NDUFAF2: variants seen among roughly 807,000 people sequenced by gnomAD.
NDUFAF2 encodes NADH:ubiquinone oxidoreductase complex assembly factor 2.
Under a neutral mutation model 22.8 loss-of-function variants are expected in NDUFAF2, and 13 were observed. The ratio of observed to expected loss-of-function variants is 0.57; its 90% confidence interval spans 0.37 to 0.91. The LOEUF is 0.91. Ranked by LOEUF, NDUFAF2 falls within the 40% of genes least tolerant of loss-of-function variation. The pLI, the probability that NDUFAF2 is intolerant of heterozygous loss-of-function variation, is 0.01. For synonymous variants in NDUFAF2, 53 were observed against 64.2 expected, an observed-to-expected ratio of 0.83 and a Z score of 0.84; for missense variants, 162 against 195.2, an observed-to-expected ratio of 0.83 and a Z score of 1.01.
intron 3 of NDUFAF2, among the ~76,000 whole-genome samples, chr5:61,108,911 C>A (rs1205013428): frequency 1.3e-5 from 2 of 152,054 alleles, no homozygotes; most frequent in African/African-American, 4.8e-5. Flanking sequence ...CAGTTTTGTT[C>A]TTTGTGCTCA....
At chr5:61,150,621 A>G (rs928779973) in intron 3 of NDUFAF2, among the ~76,000 whole-genome samples, 1 of 152,316 alleles carries the variant, frequency 6.6e-6, no homozygotes, top group East Asian at 1.9e-4. Flanking sequence ...TAGAGGTGAC[A>G]TAAATAAAGT....
chr5:61,020,993 C>CTTTTTTTT, intron 1 of NDUFAF2, among the ~76,000 whole-genome samples: 1 of 116,632 alleles, frequency 8.6e-6, no homozygotes, highest in Non-Finnish European at 1.8e-5. Flanking sequence ...TGCGTCCAGC[C>CTTTTTTTT]TTTTTTTTTT....
At position 61,152,782 on chromosome 5, in the gene NDUFAF2, A is replaced by G. The variant is rs1445036818; in HGVS notation, c.337A>G (p.Ser113Gly). 2 of 1,596,900 alleles carry G rather than the reference A, an allele frequency of 1.3e-6. No individual in the cohort carries two copies. The highest frequency in any genetic ancestry group is 8.5e-7 in the Non-Finnish European group (1 of 1,170,862). ...TTTTTATGAAAAAGAAAAACTCCTTAGTAAAGAGACCAGTGAGGAACTCCT... is the reference window on the plus strand; with the variant it reads ...TTTTTATGAAAAAGAAAAACTCCTTGGTAAAGAGACCAGTGAGGAACTCCT... Reference protein sequence around the residue: ...QDFYEKEKLLSKETSEELLPP... With the variant: ...QDFYEKEKLLGKETSEELLPP... Residue 113 changes from serine (S) to glycine (G), a missense_variant, in exon 4 of 4, where the codon AGT becomes GGT. By Grantham distance (56) the Ser-to-Gly change is moderately conservative. Coordinates refer to ENST00000296597, the MANE Select transcript of NDUFAF2 (RefSeq NM_174889.5).
intron 1 of NDUFAF2, among the ~76,000 whole-genome samples, chr5:60,998,820 T>C (rs1580087307): frequency 6.6e-6 from 1 of 150,616 alleles, no homozygotes; most frequent in East Asian, 2.0e-4. Flanking sequence ...AAATTTATTT[T>C]TTGGCTAGCT....
intron 1 of NDUFAF2, among the ~76,000 whole-genome samples, chr5:60,946,094 G>A (rs1750447835): frequency 6.6e-6 from 1 of 152,106 alleles, no homozygotes; most frequent in African/African-American, 2.4e-5. Context: ...GTAGTTGAGC[G>A]GGTTGTTTGG....
At chr5:61,112,486 A>G (rs1481958476) in intron 3 of NDUFAF2, among the ~76,000 whole-genome samples, 3 of 152,198 alleles carry the variant, frequency 2.0e-5, no homozygotes, top group Admixed American at 2.0e-4. Flanking sequence ...TGCTGGGATT[A>G]CAGGCATGAG....
At chr5:61,005,215 G>T (rs1751350555) in intron 1 of NDUFAF2, among the ~76,000 whole-genome samples, 1 of 152,000 alleles carries the variant, frequency 6.6e-6, no homozygotes, top group Non-Finnish European at 1.5e-5. Context: ...GTGATAGTTG[G>T]CTTAGAATGA....
chr5:61,106,420 T>C lies in NDUFAF2; in HGVS notation c.258+7388T>C, dbSNP rs185162822. On this transcript the variant is annotated intron_variant, in intron 3 of 3. Transcript: ENST00000296597. The stretch of plus-strand genomic sequence containing the variant: ...TTTTAATTTTTGATTTTGTGGGTAC[T>C]TAGTAGGTGTATATACTTAGAAGGT... Among the ~76,000 whole-genome samples, 8 of 151,436 alleles carry C rather than the reference T, an allele frequency of 5.3e-5. 1 individual carries two copies. Among genetic ancestry groups the C allele is most frequent in the African/African-American group, 2.0e-4 (8 of 40,810 alleles).
intron 1 of NDUFAF2, among the ~76,000 whole-genome samples, chr5:61,060,551 T>G (rs1453563531): frequency 6.6e-6 from 1 of 152,170 alleles, no homozygotes; most frequent in Non-Finnish European, 1.5e-5. Flanking sequence ...TCAGTCAGAC[T>G]ATAAGGATCT....
At chr5:61,076,622 T>C (rs899818399) in intron 2 of NDUFAF2, among the ~76,000 whole-genome samples, 1 of 152,164 alleles carries the variant, frequency 6.6e-6, no homozygotes, top group Non-Finnish European at 1.5e-5. Flanking sequence ...TGGGGGGCCT[T>C]GTAGGCCATT....
intron 1 of NDUFAF2, chr5:61,050,511 A>G (rs937192094): frequency 6.6e-6 from 1 of 152,174 alleles, no homozygotes; most frequent in Non-Finnish European, 1.5e-5. Flanking sequence ...GGAACTGGCC[A>G]AAACAAAATC....
At chr5:61,003,967 C>A (rs1356581641) in intron 1 of NDUFAF2, among the ~76,000 whole-genome samples, 1 of 151,926 alleles carries the variant, frequency 6.6e-6, no homozygotes, top group Admixed American at 6.6e-5. Flanking sequence ...GTGCCCAGCC[C>A]TAAAATCTGT....
intron 1 of NDUFAF2, among the ~76,000 whole-genome samples, chr5:61,043,679 ATG>A (rs373302097): frequency 0.16 from 23,574 of 148,818 alleles, 2,253 homozygotes; most frequent in African/African-American, 0.26. Context: ...AGCTGTATAT[ATG>A]TGTGTGTGTG....
intron 3 of NDUFAF2, among the ~76,000 whole-genome samples, chr5:61,128,852 G>A (rs1753070563): frequency 6.6e-6 from 1 of 152,076 alleles, no homozygotes; most frequent in Admixed American, 6.6e-5. Context: ...TACCATCAGA[G>A]TGAACAGGCA....
intron 1 of NDUFAF2, among the ~76,000 whole-genome samples, chr5:60,977,362 G>A (rs1203534561): frequency 3.3e-5 from 5 of 152,056 alleles, no homozygotes; most frequent in Non-Finnish European, 5.9e-5. Flanking sequence ...CCAGGAGTTC[G>A]AGATTACAAT....
chr5:61,036,504 C>G (rs957134998), intron 1 of NDUFAF2, among the ~76,000 whole-genome samples: 1 of 152,206 alleles, frequency 6.6e-6, no homozygotes, highest in Admixed American at 6.5e-5. Context: ...CAATTTATAT[C>G]TACCATCTGT....
chr5:61,097,913 C>A (rs1402027687), intron 2 of NDUFAF2, among the ~76,000 whole-genome samples: 1 of 152,138 alleles, frequency 6.6e-6, no homozygotes, highest in South Asian at 2.1e-4. Flanking sequence ...CATTTTATTT[C>A]TATTTCTTCA....
At chr5:61,009,094 C>T (rs1580092760) in intron 1 of NDUFAF2, among the ~76,000 whole-genome samples, 2 of 152,058 alleles carry the variant, frequency 1.3e-5, no homozygotes, top group East Asian at 3.9e-4. Context: ...ACAGTGATTT[C>T]CTACATTTTT....
intron 1 of NDUFAF2, 63 bp downstream of exon 1, chr5:60,945,445 A>C (rs1750424063): frequency 6.2e-7 from 1 of 1,611,114 alleles, no homozygotes; most frequent in Admixed American, 1.7e-5. Context: ...AAAGGAGGGA[A>C]AAGTGAGAGC....
Sources: allele counts gnomAD v4.1 joint callset (sites outside exome capture counted in the v4.1 genomes callset), GRCh38; gene constraint gnomAD v4.1.1; transcripts MANE v1.5; gene names NCBI Gene and HGNC (gene_info 2026-07-23, HGNC 2026-07-21).